F8: variants seen among roughly 807,000 people sequenced by gnomAD.
The protein encoded by F8 is coagulation factor VIII.
Under a neutral mutation model 140.6 loss-of-function variants are expected in F8, and 12 were observed. The observed-to-expected ratio is 0.09, with a 90% confidence interval of 0.05 to 0.14. The LOEUF (loss-of-function observed/expected upper bound fraction) is 0.14. F8 is among the 10% of genes least tolerant of loss of function. The pLI is 1.00. For synonymous variants in F8, 585 were observed against 614.6 expected, an observed-to-expected ratio of 0.95 and a Z score of 0.71; for missense variants, 1,354 against 1,720.7, an observed-to-expected ratio of 0.79 and a Z score of 3.77.
intron 14 of F8, among the ~76,000 whole-genome samples, chrX:154,910,381 T>C (rs1394902244): frequency 4.4e-5 from 4 of 91,635 alleles, no homozygotes; most frequent in Non-Finnish European, 8.5e-5. Context: ...TGAGAACACT[T>C]GGACACAGGA....
At chrX:154,907,245 T>C (rs1557276417) in intron 14 of F8, among the ~76,000 whole-genome samples, 1 of 112,567 alleles carries the variant, frequency 8.9e-6, no homozygotes, top group African/African-American at 3.2e-5. Flanking sequence ...CATATATTCT[T>C]TTGTTTCTTC....
intron 22 of F8, among the ~76,000 whole-genome samples, chrX:154,880,361 G>C (rs1557274336): frequency 1.8e-5 from 2 of 111,423 alleles, no homozygotes; most frequent in Non-Finnish European, 3.8e-5. Flanking sequence ...ACTCTGATGT[G>C]AAAGGTATTA....
chrX:154,994,823 C>T (rs868989476), intron 3 of F8, among the ~76,000 whole-genome samples: 4 of 111,813 alleles, frequency 3.6e-5, no homozygotes, highest in African/African-American at 1.3e-4. Flanking sequence ...TGGCGCCATA[C>T]AAATGTCAAA....
intron 1 of F8, 129 bp from the exon 2 acceptor site, chrX:154,999,729 A>C: frequency 1.3e-6 from 1 of 758,817 alleles, no homozygotes; most frequent in Admixed American, 2.4e-5. Context: ...ATAAATCCCT[A>C]ACATCCATTA....
At chrX:154,911,242 T>C (rs1306181948) in intron 14 of F8, among the ~76,000 whole-genome samples, 9 of 107,891 alleles carry the variant, frequency 8.3e-5, no homozygotes, top group Admixed American at 9.8e-5. Context: ...CTTTTCTCAG[T>C]CTCTCGTCCC....
Position 154,987,183 on chromosome X carries a change from T to G in F8, c.670+54A>C, listed in dbSNP as rs956531635. 4.4e-6 allele frequency: 4 copies of G among 918,637 alleles called. No homozygotes were observed. The Admixed American group carries it at 8.8e-5, about 20-fold the overall frequency. The allele number at this position is 918,637 out of a possible 1,213,427, so 75.7% of individuals were successfully genotyped here. On this transcript the variant is annotated intron_variant, in intron 5 of 25. Coordinates refer to ENST00000360256, the MANE Select transcript of F8 (RefSeq NM_000132.4). ...TCTTTCTATAATCACCTCCTCTTAA[T>G]AGTAGCAGAGGATTTCTTTCAGGAA...
intron 6 of F8, among the ~76,000 whole-genome samples, chrX:154,976,824 A>G (rs951690301): frequency 1.8e-5 from 2 of 111,974 alleles, no homozygotes; most frequent in Non-Finnish European, 3.8e-5. Flanking sequence ...CTATCGCAAG[A>G]ACAAAAAACC....
At chrX:154,998,310 C>T (rs185547512) in intron 2 of F8, among the ~76,000 whole-genome samples, 1 of 113,290 alleles carries the variant, frequency 8.8e-6, no homozygotes, top group Admixed American at 9.3e-5. Context: ...AGCTTCGCTG[C>T]TTTCCCACCT....
At chrX:154,891,048 C>T (rs897787018) in intron 22 of F8, among the ~76,000 whole-genome samples, 9 of 112,921 alleles carry the variant, frequency 8.0e-5, no homozygotes, top group African/African-American at 6.4e-5. Context: ...CTATGACTGA[C>T]GAAAGTTTTC....
chrX:154,919,511 C>T (rs2073118112), intron 14 of F8: 2 of 505,083 alleles, frequency 4.0e-6, no homozygotes, highest in East Asian at 5.9e-5. Flanking sequence ...TTCCCTGGTC[C>T]TCAGGGCAAG....
intron 24 of F8, among the ~76,000 whole-genome samples, chrX:154,861,299 T>C (rs1326990397): frequency 1.8e-5 from 2 of 111,813 alleles, no homozygotes; most frequent in Admixed American, 9.5e-5. Flanking sequence ...CAGTCTCTCT[T>C]ATTCAACTCT....
intron 22 of F8, among the ~76,000 whole-genome samples, chrX:154,879,342 A>T (rs1453398055): frequency 1.8e-5 from 2 of 112,018 alleles, no homozygotes; most frequent in East Asian, 5.5e-4. Flanking sequence ...ACCCATAAAT[A>T]TATTCATGGG....
intron 9 of F8, among the ~76,000 whole-genome samples, chrX:154,963,513 C>T (rs966877183): frequency 4.5e-5 from 5 of 111,656 alleles, no homozygotes; most frequent in South Asian, 3.7e-4. Flanking sequence ...AATAAACATA[C>T]GTGTGCATGT....
chrX:154,892,230 C>T (rs1415877300), intron 22 of F8, among the ~76,000 whole-genome samples: 1 of 112,575 alleles, frequency 8.9e-6, no homozygotes, highest in African/African-American at 3.2e-5. Context: ...GAGTATTCCT[C>T]AAAAGCTCTA....
chrX:154,969,633 A>C (rs1557282399), intron 6 of F8, 81 bp from the exon 7 acceptor site: 2 of 891,860 alleles, frequency 2.2e-6, no homozygotes, highest in Non-Finnish European at 3.3e-6. Context: ...AGAATGGACA[A>C]ATTGACTTTA....
chrX:154,922,286 C>T (rs1277635511), intron 14 of F8, among the ~76,000 whole-genome samples: 1 of 112,187 alleles, frequency 8.9e-6, no homozygotes, highest in African/African-American at 3.2e-5. Context: ...CTGTGTGACA[C>T]GATTCCATAT....
At chrX:154,948,470 G>A (rs5986897) in intron 12 of F8, among the ~76,000 whole-genome samples, 1,137 of 112,148 alleles carry the variant, frequency 0.01, 15 homozygotes, top group African/African-American at 0.035. Flanking sequence ...GGGATGTGAT[G>A]TCTGCAACTA....
Position 154,931,414 on chromosome X carries a change from A to C in F8, c.2376T>G (p.Phe792Leu). The C allele has an allele frequency of 1.7e-6, 2 of 1,211,216 alleles. No individual in the cohort carries two copies. Among genetic ancestry groups the C allele is most frequent in the Non-Finnish European group, 2.2e-6 (2 of 894,853 alleles). Residue 792 changes from phenylalanine to leucine, a missense_variant, in exon 14 of 26, where the codon TTT becomes TTG. Around this residue, in one of 4 missense-constraint regions of F8, gnomAD observed 658 missense variants for 666.5 expected, o/e 0.99. Transcript: ENST00000360256. ...ENDIEKTDPWFAHRTPMPKIQ... is the reference protein window; with the variant it reads ...ENDIEKTDPWLAHRTPMPKIQ... ...TTTTAGGCATAGGTGTTCTGTGTGC[A>C]AACCAAGGGTCAGTCTTCTCTATGT... is the stretch of plus-strand genomic sequence containing the variant.
Position 154,928,942 on chromosome X carries a change from G to T in F8, c.4848C>A (p.Thr1616=). 1 of 1,211,223 alleles carries T rather than the reference G, an allele frequency of 8.3e-7. No individual in the cohort carries two copies. Among genetic ancestry groups the T allele is most frequent in the Non-Finnish European group, 1.1e-6 (1 of 895,242 alleles). ...PEKTAFKKKD[T]ILSLNACESN... is the part of the protein sequence containing the mutation. The stretch of plus-strand genomic sequence containing the variant: ...TTTCACAAGCGTTCAGGGACAAAAT[G>T]GTATCCTTTTTCTTAAAAGCTGTTT... Residue 1616 remains threonine (T), a synonymous_variant, in exon 14 of 26, where the codon ACC becomes ACA. Transcript: ENST00000360256.
Sources: allele counts gnomAD v4.1 joint callset (sites outside exome capture counted in the v4.1 genomes callset), GRCh38; gene constraint gnomAD v4.1.1; regional missense constraint gnomAD v4.1.1; transcripts MANE v1.5; gene names NCBI Gene and HGNC (gene_info 2026-07-23, HGNC 2026-07-21).